Variants in DOCK9 observed in about 807,000 individuals in gnomAD.
The protein encoded by DOCK9 is dedicator of cytokinesis 9.
A neutral mutation model predicts 263.3 loss-of-function variants in DOCK9; 89 were observed. The ratio of observed to expected loss-of-function variants is 0.34; its 90% CI spans 0.28 to 0.40. The LOEUF (loss-of-function observed/expected upper bound fraction) is 0.40. Ranked by LOEUF, DOCK9 falls within the 10% of genes least tolerant of loss-of-function variation. DOCK9 has a pLI of 1.00. For missense variants in DOCK9, 2,140 were observed against 2,603.4 expected (o/e 0.82, Z 3.87); for synonymous variants, 976 against 973.1 (o/e 1.00, Z -0.06).
chr13:98,991,811 C>T (rs11616864), intron 1 of DOCK9, among the ~76,000 whole-genome samples: 121 of 152,050 alleles, frequency 8.0e-4, no homozygotes, highest in Admixed American at 2.7e-3. Flanking sequence ...GCTGAAACTA[C>T]GTCACTAGGT....
Position 98,933,641 on chromosome 13 carries a change from C to T in DOCK9, c.244-3384G>A, listed in dbSNP as rs377638187. On this transcript the variant is annotated intron_variant, in intron 2 of 52. Transcript: ENST00000682017. ...CTAAACTAGGTGTGCTTCTTTAGTA[C>T]ATACGTAGTGTAGCATAACTGCTAT... 1.5e-3 allele frequency among the ~76,000 whole-genome samples: 232 copies of T among 152,366 alleles called. 9 individuals carry two copies. The South Asian group carries it at 0.045, about 30-fold the overall frequency.
chr13:98,969,059 G>A (rs919601216), intron 1 of DOCK9, among the ~76,000 whole-genome samples: 1 of 152,210 alleles, frequency 6.6e-6, no homozygotes, highest in African/African-American at 2.4e-5. Flanking sequence ...CGGCTGCCAG[G>A]AAGAAGAGGT....
In DOCK9 at chr13:98,956,583, C is replaced by A. The variant is rs568840926; in HGVS notation, c.127-1032G>T. Among the ~76,000 whole-genome samples, 5 of 151,828 alleles carry A rather than the reference C, an allele frequency of 3.3e-5. No individual in the cohort carries two copies. The South Asian group carries it at 1.0e-3, about 32-fold the overall frequency. Reference sequence around the variant, plus strand: ...CCAACACGATGAAACCCTGTCACTACAAAAAGTATAAAAATTAGCCAGGCG... The same window carrying A: ...CCAACACGATGAAACCCTGTCACTAAAAAAAGTATAAAAATTAGCCAGGCG... On this transcript the variant is annotated intron_variant, in intron 1 of 52. Transcript: ENST00000682017.
chr13:98,947,213 T>C (rs537674810), intron 2 of DOCK9, among the ~76,000 whole-genome samples: 8 of 152,134 alleles, frequency 5.3e-5, no homozygotes, highest in Non-Finnish European at 1.2e-4. Flanking sequence ...CATACCTTTA[T>C]CTCCTCTCCT....
chr13:98,952,211 A>C (rs34153577), intron 2 of DOCK9, among the ~76,000 whole-genome samples: 30,331 of 149,092 alleles, frequency 0.2, 3,526 homozygotes, highest in African/African-American at 0.33. Flanking sequence ...TTCATCAATA[A>C]CCTGATGGCT....
chr13:98,796,103 T>G, intron 52 of DOCK9: 2 of 859,262 alleles, frequency 2.3e-6, no homozygotes, highest in South Asian at 1.5e-5. Context: ...CCTCTGCCCA[T>G]GTACTGTCAT....
chr13:98,807,533 C>T, intron 48 of DOCK9, 128 bp downstream of exon 48: 2 of 811,454 alleles, frequency 2.5e-6, no homozygotes, highest in Non-Finnish European at 3.4e-6. Flanking sequence ...AGAAAATACA[C>T]CTGCCACTCA....
At chr13:99,013,157 G>T (rs1884808024) in intron 1 of DOCK9, among the ~76,000 whole-genome samples, 1 of 152,088 alleles carries the variant, frequency 6.6e-6, no homozygotes, top group South Asian at 2.1e-4. Flanking sequence ...AGGCTGGAGT[G>T]CAGTGGTGCA....
chr13:98,951,447 G>A (rs75588228), intron 2 of DOCK9, among the ~76,000 whole-genome samples: 1,581 of 152,302 alleles, frequency 0.01, 26 homozygotes, highest in African/African-American at 0.036. Context: ...GCAAGAAAGG[G>A]ATTTTGTGCA....
At chr13:98,943,220 C>T (rs2056223490) in intron 2 of DOCK9, among the ~76,000 whole-genome samples, 1 of 152,226 alleles carries the variant, frequency 6.6e-6, no homozygotes, top group Admixed American at 6.5e-5. Context: ...TAATGCTAAG[C>T]AGATGGGGAA....
At chr13:99,036,540 TTTTTG>T (rs755030576) in intron 1 of DOCK9, among the ~76,000 whole-genome samples, 88 of 152,072 alleles carry the variant, frequency 5.8e-4, no homozygotes, top group Non-Finnish European at 8.4e-4. Flanking sequence ...GGTTGTTGGT[TTTTTG>T]TTTTGTTTTG....
chr13:98,909,486 T>C (rs2049667295), intron 9 of DOCK9, among the ~76,000 whole-genome samples: 1 of 152,232 alleles, frequency 6.6e-6, no homozygotes, highest in South Asian at 2.1e-4. Context: ...TGTTGAATGT[T>C]GGGTCATTTA....
At chr13:98,919,888 C>T (rs1406383722) in intron 7 of DOCK9, among the ~76,000 whole-genome samples, 1 of 152,228 alleles carries the variant, frequency 6.6e-6, no homozygotes, top group Non-Finnish European at 1.5e-5. Context: ...TTCTCTCACC[C>T]TTATCCCAAT....
intron 28 of DOCK9, 43 bp from the exon 29 acceptor site, chr13:98,868,054 A>T: frequency 6.3e-7 from 1 of 1,585,842 alleles, no homozygotes; most frequent in Non-Finnish European, 8.6e-7. Flanking sequence ...AGGTCCAAAC[A>T]TTTCGGAAAT....
At chr13:98,837,408 A>T in intron 39 of DOCK9, 86 bp downstream of exon 39, 4 of 856,414 alleles carry the variant, frequency 4.7e-6, no homozygotes, top group African/African-American at 1.7e-5. Flanking sequence ...AAAATGCAAC[A>T]TAGTAAGTTT....
At chr13:98,801,957 C>T (rs1357197295) in intron 49 of DOCK9, among the ~76,000 whole-genome samples, 3 of 152,180 alleles carry the variant, frequency 2.0e-5, no homozygotes, top group African/African-American at 4.8e-5. Flanking sequence ...GAAGGGTTCC[C>T]GACTTGGTTT....
chr13:98,888,604 C>A, intron 16 of DOCK9, 28 bp downstream of exon 16: 2 of 1,612,270 alleles, frequency 1.2e-6, no homozygotes, highest in Non-Finnish European at 1.7e-6. Flanking sequence ...AATAAAAATT[C>A]TGTCTATTAT....
At chr13:98,900,165 AT>A (rs1283254186) in intron 13 of DOCK9, among the ~76,000 whole-genome samples, 6 of 65,960 alleles carry the variant, frequency 9.1e-5, no homozygotes, top group African/African-American at 3.0e-4. Flanking sequence ...TTTACATTCC[AT>A]AAAAAAATGA....
chr13:99,006,657 C>T (rs1019908031), intron 1 of DOCK9, among the ~76,000 whole-genome samples: 1 of 152,140 alleles, frequency 6.6e-6, no homozygotes, highest in Non-Finnish European at 1.5e-5. Flanking sequence ...AAAACACATA[C>T]CACAAATTAA....
Sources: gnomAD v4.1 joint callset for allele counts (sites outside exome capture counted in the v4.1 genomes callset) on GRCh38, gnomAD v4.1.1 for gene constraint, MANE v1.5 for transcripts, NCBI Gene and HGNC (gene_info 2026-07-23, HGNC 2026-07-21) for gene names.